LIMA1: variants seen among roughly 807,000 people sequenced by gnomAD.
LIMA1 encodes LIM domain and actin-binding protein 1.
LIMA1 carries 52 observed loss-of-function variants against 62.6 expected under a neutral mutation model. The observed-to-expected ratio is 0.83, with a 90% confidence interval of 0.67 to 1.05. LIMA1 has a LOEUF of 1.05. LIMA1 is among the 50% of genes least tolerant of loss of function. LIMA1 has a pLI of 0.00. For synonymous variants in LIMA1, 302 were observed against 317.8 expected, an observed-to-expected ratio of 0.95 and a Z score of 0.53; for missense variants, 780 against 902.2, an observed-to-expected ratio of 0.86 and a Z score of 1.74.
intron 3 of LIMA1, among the ~76,000 whole-genome samples, chr12:50,229,363 T>TA (rs1243626285): frequency 6.6e-5 from 10 of 152,030 alleles, no homozygotes; most frequent in Non-Finnish European, 1.2e-4. Flanking sequence ...TCTTCAGCCA[T>TA]AAAAAAGGAT....
chr12:50,225,194 G>A (rs1389787506), intron 3 of LIMA1, among the ~76,000 whole-genome samples: 1 of 151,944 alleles, frequency 6.6e-6, no homozygotes, highest in Non-Finnish European at 1.5e-5. Context: ...GAGCCACTGC[G>A]CCTGGCCCCA....
At chr12:50,237,891 C>CA (rs1054225008) in intron 2 of LIMA1, among the ~76,000 whole-genome samples, 5 of 151,716 alleles carry the variant, frequency 3.3e-5, no homozygotes, top group Non-Finnish European at 5.9e-5. Context: ...TAGCCACATG[C>CA]AAAAAAATGA....
chr12:50,177,044 C>T lies in LIMA1; in HGVS notation c.*20G>A, dbSNP rs1426535965. 6.5e-7 allele frequency: 1 copy of T among 1,530,170 alleles called. No homozygotes were observed. Among genetic ancestry groups the T allele is most frequent in the Non-Finnish European group, 8.8e-7 (1 of 1,139,856 alleles). 94.8% of individuals were successfully genotyped at this position (1,530,170 alleles called of 1,614,324 possible). A position where few individuals can be genotyped will look rare whatever the true frequency, so the allele number is the denominator to read the frequency against. ...CGCTAACACTAACATGAATTTAAGG[C>T]CCAGCATCATTGCAATTTGTCACTC... On this transcript the variant is annotated 3_prime_UTR_variant, in exon 11 of 11. Coordinates refer to ENST00000341247, the MANE Select transcript of LIMA1 (RefSeq NM_016357.5).
At chr12:50,182,158 G>T in intron 9 of LIMA1, 121 bp from the exon 10 acceptor site, 1 of 1,017,842 alleles carries the variant, frequency 9.8e-7, no homozygotes, top group Non-Finnish European at 1.4e-6. Context: ...TTCTCATGGA[G>T]CACTAAACCT....
intron 9 of LIMA1, among the ~76,000 whole-genome samples, chr12:50,182,805 G>A (rs1426274093): frequency 2.0e-5 from 3 of 152,276 alleles, no homozygotes; most frequent in Non-Finnish European, 4.4e-5. Flanking sequence ...TGGGCACAGT[G>A]GTTCTACCTG....
chr12:50,239,362 G>T (rs549977167), intron 2 of LIMA1, among the ~76,000 whole-genome samples: 1 of 152,356 alleles, frequency 6.6e-6, no homozygotes, highest in South Asian at 2.1e-4. Flanking sequence ...ACATTGGCTG[G>T]ATGTGGTAGT....
chr12:50,275,456 G>A (rs528545887), intron 1 of LIMA1, among the ~76,000 whole-genome samples: 3 of 152,144 alleles, frequency 2.0e-5, no homozygotes, highest in East Asian at 3.9e-4. Context: ...ATACCTAAAA[G>A]GCTTGTAATC....
chr12:50,247,036 T>G (rs1015271884), intron 2 of LIMA1, among the ~76,000 whole-genome samples: 1 of 152,128 alleles, frequency 6.6e-6, no homozygotes, highest in African/African-American at 2.4e-5. Context: ...CTCAGAAGGC[T>G]GAGGTGGGAG....
rs559041020 is a variant in LIMA1, at chr12:50,176,612, T to C, written c.*452A>G. 1.3e-5 allele frequency: 2 copies of C among 153,832 alleles called. No individual in the cohort carries two copies. The highest frequency in any genetic ancestry group is 2.1e-4 in the South Asian group (1 of 4,844). The allele number at this position is 153,832 out of a possible 1,614,324, so 9.5% of individuals were successfully genotyped here. A position where few individuals can be genotyped will look rare whatever the true frequency, so the allele number is the denominator to read the frequency against. The stretch of plus-strand genomic sequence containing the variant: ...CTAAAAAATTAAATTGGTATTCATT[T>C]AAAAATATACAAACTGTGCCCTTTA... On this transcript the variant is annotated 3_prime_UTR_variant, in exon 11 of 11. Transcript: ENST00000341247.
intron 2 of LIMA1, among the ~76,000 whole-genome samples, chr12:50,245,886 A>G (rs2138631194): frequency 6.6e-6 from 1 of 152,306 alleles, no homozygotes. Flanking sequence ...TTGGAGATAT[A>G]GAAGAGTAGC....
Position 50,231,710 on chromosome 12 carries a change from C to A in LIMA1, c.120G>T (p.Lys40Asn), listed in dbSNP as rs528121733. The change falls in exon 3 of 11, where the codon AAG becomes AAT. Residue 40 changes from lysine (K) to asparagine (N), a missense_variant and splice_region_variant. Lys to Asn is a moderately conservative substitution (Grantham distance 94, BLOSUM62 0). Transcript: ENST00000341247. ...TTGTTTCTTCAGCTGCTTTCTGGTA[C>A]CTTCAGAGAAGGGAAGGAAAGAATG... ...KSSAIVEIFS[K>N]YQKAAEETNM... 1.9e-6 allele frequency: 3 copies of A among 1,612,598 alleles called. No homozygotes were observed. Among genetic ancestry groups the A allele is most frequent in the Non-Finnish European group, 2.5e-6 (3 of 1,178,648 alleles).
chr12:50,193,583 A>G (rs1397455711), intron 8 of LIMA1, among the ~76,000 whole-genome samples: 2 of 122,702 alleles, frequency 1.6e-5, no homozygotes, highest in East Asian at 4.4e-4. Context: ...ATATATATAC[A>G]TGTATATATG....
intron 1 of LIMA1, among the ~76,000 whole-genome samples, chr12:50,257,943 CT>C (rs1464688010): frequency 6.6e-6 from 1 of 152,212 alleles, no homozygotes; most frequent in Non-Finnish European, 1.5e-5. Flanking sequence ...ACTTTATTCC[CT>C]GTATTATAAT....
At chr12:50,187,187 C>T (rs1389003852) in intron 9 of LIMA1, 1 of 152,176 alleles carries the variant, frequency 6.6e-6, no homozygotes, top group Non-Finnish European at 1.5e-5. Flanking sequence ...GCTTCATTTA[C>T]ATTCTTTTAC....
intron 6 of LIMA1, among the ~76,000 whole-genome samples, chr12:50,203,571 G>A (rs1194979061): frequency 2.0e-5 from 3 of 151,854 alleles, no homozygotes; most frequent in African/African-American, 7.3e-5. Flanking sequence ...CTGCCACCAT[G>A]CTGGCTAATT....
intron 10 of LIMA1, among the ~76,000 whole-genome samples, chr12:50,180,490 A>C (rs1940474003): frequency 6.6e-6 from 1 of 152,014 alleles, no homozygotes; most frequent in Admixed American, 6.6e-5. Flanking sequence ...GAAAAACCAG[A>C]TGGGGTCTCT....
At chr12:50,248,036 CTG>C (rs1200107971) in intron 2 of LIMA1, among the ~76,000 whole-genome samples, 1 of 152,208 alleles carries the variant, frequency 6.6e-6, no homozygotes, top group Non-Finnish European at 1.5e-5. Context: ...TGAAATGTTT[CTG>C]TGCTGTTCAA....
chr12:50,206,008 G>C lies in LIMA1; in HGVS notation c.691C>G (p.Leu231Val), dbSNP rs751386991. The C allele has an allele frequency of 6.2e-7, 1 of 1,612,170 alleles. No individual in the cohort carries two copies. The highest frequency in any genetic ancestry group is 8.5e-7 in the Non-Finnish European group (1 of 1,178,786). ...CCTGGGCCTATTTCCAGGTCATCTA[G>C]AGAATAGCTGTTTTCAGAGATCTTC... Reference protein sequence around the residue: ...GRKISENSYSLDDLEIGPGQL... With the variant: ...GRKISENSYSVDDLEIGPGQL... The change falls in exon 5 of 11, where the codon CTA (leucine) becomes GTA (valine). Residue 231 changes from leucine (L) to valine (V), a missense_variant. Physicochemically the swap from Leu to Val is conservative, Grantham distance 32. Transcript: ENST00000341247.
In LIMA1 at chr12:50,216,536, G is replaced by A. The variant is rs145871279; in HGVS notation, c.630+5485C>T. On this transcript the variant is annotated intron_variant, in intron 4 of 10. Coordinates refer to ENST00000341247, the MANE Select transcript of LIMA1 (RefSeq NM_016357.5). ...AGCCCACTGTGGCATTTCTTTTGAC[G>A]ATAGGTTACATTAATCCATATACCA... Among the ~76,000 whole-genome samples the A allele has an allele frequency of 8.9e-3, 1,350 of 152,082 alleles. 8 individuals carry two copies. Among genetic ancestry groups the A allele is most frequent in the Non-Finnish European group, 0.015 (1,017 of 67,984 alleles).
Sources: allele counts gnomAD v4.1 joint callset (sites outside exome capture counted in the v4.1 genomes callset), GRCh38; gene constraint gnomAD v4.1.1; transcripts MANE v1.5; gene names NCBI Gene and HGNC (gene_info 2026-07-23, HGNC 2026-07-21).